GPM6A: variants seen among roughly 807,000 people sequenced by gnomAD.
GPM6A encodes neuronal membrane glycoprotein M6-a.
In GPM6A, 7 loss-of-function variants were observed where a neutral mutation model predicts 32.1. The ratio of observed to expected loss-of-function variants is 0.22; its 90% CI spans 0.12 to 0.41. The LOEUF (loss-of-function observed/expected upper bound fraction) is 0.41. Among genes scored for constraint, GPM6A ranks in the 10% least tolerant of loss-of-function variants. GPM6A has a pLI of 1.00. For missense variants in GPM6A, 235 were observed against 347.2 expected, an observed-to-expected ratio of 0.68 and a Z score of 2.57; for synonymous variants, 130 against 123.4, an observed-to-expected ratio of 1.05 and a Z score of -0.35.
In GPM6A at chr4:175,638,798, G is replaced by A. The variant is rs558153203; in HGVS notation, c.684+1331C>T. Among the ~76,000 whole-genome samples, 482 of 152,096 alleles carry A rather than the reference G, an allele frequency of 3.2e-3. 4 individuals carry two copies. The highest frequency in any genetic ancestry group is 0.011 in the African/African-American group (473 of 41,498). ...TAAAGTTTTTGACAGCATAGAAATG[G>A]GTGTATGAACACAAGGGTACATATG... On this transcript the variant is annotated intron_variant, in intron 6 of 6. Transcript: ENST00000393658.
At chr4:175,787,426 C>T in intron 1 of GPM6A, 1 of 1,521,694 alleles carries the variant, frequency 6.6e-7, no homozygotes. Context: ...AAGCTCTCTC[C>T]TGTGACAATT....
chr4:175,759,523 G>A (rs900680557), intron 1 of GPM6A, among the ~76,000 whole-genome samples: 1 of 151,964 alleles, frequency 6.6e-6, no homozygotes, highest in East Asian at 1.9e-4. Flanking sequence ...ACCTATGCTG[G>A]CAATCAACCT....
intron 1 of GPM6A, among the ~76,000 whole-genome samples, chr4:175,800,156 TTTGTGGTTGAGGGCTTAATG>T (rs1252609556): frequency 6.6e-6 from 1 of 152,130 alleles, no homozygotes; most frequent in Non-Finnish European, 1.5e-5. Flanking sequence ...AACTGTATAA[TTTGTGGTTGAGGGCTTAATG>T]TTGTGGTTGA....
At chr4:175,637,780 T>C (rs1487631356) in intron 6 of GPM6A, among the ~76,000 whole-genome samples, 4 of 82,602 alleles carry the variant, frequency 4.8e-5, no homozygotes, top group African/African-American at 8.8e-5. Flanking sequence ...ATAATCTATA[T>C]ATAATATATA....
intron 1 of GPM6A, among the ~76,000 whole-genome samples, chr4:175,909,918 C>T (rs1187077776): frequency 6.6e-6 from 1 of 152,070 alleles, no homozygotes; most frequent in Non-Finnish European, 1.5e-5. Flanking sequence ...TTGTATTAAA[C>T]ATGAAGAGCT....
chr4:175,649,511 G>C (rs1032672273), intron 4 of GPM6A, among the ~76,000 whole-genome samples: 1 of 152,058 alleles, frequency 6.6e-6, no homozygotes, highest in Non-Finnish European at 1.5e-5. Flanking sequence ...TTAGAATCTG[G>C]TTTGATAATA....
chr4:175,730,962 C>T (rs13133929), intron 1 of GPM6A, among the ~76,000 whole-genome samples: 51,991 of 151,954 alleles, frequency 0.34, 9,034 homozygotes, highest in East Asian at 0.53. Flanking sequence ...CCTTTGCCTC[C>T]ATCTTTTTCC....
At chr4:175,774,727 A>G (rs1560926103) in intron 1 of GPM6A, among the ~76,000 whole-genome samples, 1 of 152,124 alleles carries the variant, frequency 6.6e-6, no homozygotes, top group African/African-American at 2.4e-5. Context: ...TCAACATTAC[A>G]TCATTAAACT....
chr4:175,722,090 C>A (rs1290937996), intron 1 of GPM6A, among the ~76,000 whole-genome samples: 1 of 151,942 alleles, frequency 6.6e-6, no homozygotes, highest in Non-Finnish European at 1.5e-5. Flanking sequence ...AGTTTGAGAC[C>A]AGCCCGGGCA....
chr4:175,824,623 C>T (rs1735378040), intron 1 of GPM6A, among the ~76,000 whole-genome samples: 1 of 152,184 alleles, frequency 6.6e-6, no homozygotes. Flanking sequence ...TTGTTTCTCC[C>T]TTACCATTCA....
intron 1 of GPM6A, among the ~76,000 whole-genome samples, chr4:175,756,272 G>A (rs901786247): frequency 1.3e-5 from 2 of 152,036 alleles, no homozygotes; most frequent in Non-Finnish European, 2.9e-5. Context: ...TGGGAAGAAT[G>A]CTCTGGAAGC....
At chr4:175,682,510 G>C (rs1342975291) in intron 2 of GPM6A, among the ~76,000 whole-genome samples, 2 of 152,182 alleles carry the variant, frequency 1.3e-5, no homozygotes, top group African/African-American at 4.8e-5. Flanking sequence ...ATGGAGAACA[G>C]GCCTTGAAGG....
chr4:175,964,784 T>G (rs574476759), intron 1 of GPM6A, among the ~76,000 whole-genome samples: 4 of 152,322 alleles, frequency 2.6e-5, no homozygotes, highest in Non-Finnish European at 4.4e-5. Context: ...GTAGCTATAT[T>G]AGTTTCAGAC....
In GPM6A at chr4:175,736,540, A is replaced by T. The variant is rs552148399; in HGVS notation, c.38-34773T>A. Among the ~76,000 whole-genome samples, 44 of 152,296 alleles carry T rather than the reference A, an allele frequency of 2.9e-4. 2 individuals carry two copies. The highest frequency in any genetic ancestry group is 1.0e-3 in the African/African-American group (43 of 41,568). On this transcript the variant is annotated intron_variant, in intron 1 of 6. Transcript: ENST00000393658. Reference sequence around the variant, plus strand: ...GCAATTCTCTATAAAGAAGATAATCATTTTTGTTCTCAATAATATTGGCTT... The same window carrying T: ...GCAATTCTCTATAAAGAAGATAATCTTTTTTGTTCTCAATAATATTGGCTT...
intron 1 of GPM6A, among the ~76,000 whole-genome samples, chr4:175,707,659 C>T (rs1005828577): frequency 5.3e-5 from 8 of 151,042 alleles, no homozygotes; most frequent in Non-Finnish European, 8.8e-5. Context: ...AATATATGTG[C>T]CTTTTACTTT....
At chr4:175,939,884 T>C (rs1361084389) in intron 1 of GPM6A, among the ~76,000 whole-genome samples, 1 of 151,928 alleles carries the variant, frequency 6.6e-6, no homozygotes, top group African/African-American at 2.4e-5. Context: ...TTGGCAATCA[T>C]AAGTTTTTCC....
chr4:175,883,431 T>C (rs574757347), intron 1 of GPM6A, among the ~76,000 whole-genome samples: 1 of 152,238 alleles, frequency 6.6e-6, no homozygotes, highest in South Asian at 2.1e-4. Flanking sequence ...ATTAAGAAGA[T>C]AGTAGTTCAC....
chr4:175,714,223 T>C (rs1405984298), intron 1 of GPM6A, among the ~76,000 whole-genome samples: 1 of 152,148 alleles, frequency 6.6e-6, no homozygotes, highest in Non-Finnish European at 1.5e-5. Flanking sequence ...TAAAAGTATT[T>C]GATAAACCAG....
chr4:175,803,897 G>GC (rs1427928439), intron 1 of GPM6A, among the ~76,000 whole-genome samples: 1 of 152,038 alleles, frequency 6.6e-6, no homozygotes, highest in East Asian at 1.9e-4. Flanking sequence ...GAAAGGTTGA[G>GC]CAGAGATTTA....
Sources: allele counts gnomAD v4.1 joint callset (sites outside exome capture counted in the v4.1 genomes callset), GRCh38; gene constraint gnomAD v4.1.1; transcripts MANE v1.5; gene names NCBI Gene and HGNC (gene_info 2026-07-23, HGNC 2026-07-21).